CPQ: variants seen among roughly 807,000 people sequenced by gnomAD.
CPQ encodes the protein carboxypeptidase Q.
CPQ carries 37 observed loss-of-function variants against 45.7 expected under a neutral mutation model. That is an observed-to-expected ratio of 0.81 (90% CI 0.62 to 1.07). The LOEUF (loss-of-function observed/expected upper bound fraction) is 1.07, where lower values mean the gene tolerates loss of function less well. Ranked by LOEUF, CPQ falls within the 50% of genes least tolerant of loss-of-function variation. The pLI, the probability that CPQ is intolerant of heterozygous loss-of-function variation, is 0.00. For synonymous variants in CPQ, 186 were observed against 205.8 expected (o/e 0.90, Z 0.82); for missense variants, 537 against 572.9 (o/e 0.94, Z 0.64).
chr8:96,821,154 T>C (rs1811302319), intron 2 of CPQ, among the ~76,000 whole-genome samples: 1 of 144,186 alleles, frequency 6.9e-6, no homozygotes, highest in African/African-American at 2.6e-5. Flanking sequence ...TTTTTTTTGC[T>C]ATTGAGTTGT....
At chr8:96,738,400 GT>G in intron 1 of CPQ, among the ~76,000 whole-genome samples, 1 of 150,844 alleles carries the variant, frequency 6.6e-6, no homozygotes, top group Middle Eastern at 3.5e-3. Flanking sequence ...GCATATATAT[GT>G]AAATTGTTTT....
At chr8:96,907,825 C>T (rs1812598235) in intron 4 of CPQ, among the ~76,000 whole-genome samples, 1 of 152,052 alleles carries the variant, frequency 6.6e-6, no homozygotes, top group East Asian at 1.9e-4. Context: ...GAGTCCTATC[C>T]TACTGTTAAT....
At chr8:96,855,537 A>G (rs137934596) in intron 3 of CPQ, among the ~76,000 whole-genome samples, 39 of 152,332 alleles carry the variant, frequency 2.6e-4, no homozygotes, top group African/African-American at 8.2e-4. Flanking sequence ...TCTTAATTCA[A>G]ATATCACTTC....
Position 97,141,495 on chromosome 8 carries a change from C to T in CPQ, c.1256-1525C>T, listed in dbSNP as rs534188768. On this transcript the variant is annotated intron_variant, in intron 7 of 7. Coordinates refer to ENST00000220763, the MANE Select transcript of CPQ (RefSeq NM_016134.4). Reference sequence around the variant, plus strand: ...AAATGAAATGTTAGCATTTCACACTCACCAAATTTACAAAAATTAGTTTGA... The same window carrying T: ...AAATGAAATGTTAGCATTTCACACTTACCAAATTTACAAAAATTAGTTTGA... 4.6e-5 allele frequency among the ~76,000 whole-genome samples: 7 copies of T among 152,258 alleles called. No homozygotes were observed. In the South Asian group the frequency reaches 1.5e-3, roughly 32 times the overall value.
At chr8:97,043,513 A>G (rs575060949) in intron 6 of CPQ, among the ~76,000 whole-genome samples, 1 of 152,270 alleles carries the variant, frequency 6.6e-6, no homozygotes, top group African/African-American at 2.4e-5. Context: ...TTATGTGTCA[A>G]TTTGATCCTG....
chr8:96,926,211 C>A (rs559116853), intron 4 of CPQ, among the ~76,000 whole-genome samples: 21 of 152,318 alleles, frequency 1.4e-4, no homozygotes, highest in African/African-American at 4.8e-4. Context: ...CTCTGACAGC[C>A]TTCTGGTTGT....
At position 97,043,554 on chromosome 8, in the gene CPQ, G is replaced by A. The variant is rs180678769; in HGVS notation, c.1053+14060G>A. 6.4e-3 allele frequency among the ~76,000 whole-genome samples: 969 copies of A among 152,204 alleles called. 4 individuals are homozygous for A. Among genetic ancestry groups the A allele is most frequent in the African/African-American group, 0.021 (889 of 41,526 alleles). Reference sequence around the variant, plus strand: ...ATGATGTTAGCTGGTTATTTTGATCGTTAGTTGATGCAGTTTCTTCCTAGC... The same window carrying A: ...ATGATGTTAGCTGGTTATTTTGATCATTAGTTGATGCAGTTTCTTCCTAGC... On this transcript the variant is annotated intron_variant, in intron 6 of 7. Coordinates refer to ENST00000220763, the MANE Select transcript of CPQ (RefSeq NM_016134.4).
chr8:97,022,178 C>T (rs1313324318), intron 5 of CPQ, among the ~76,000 whole-genome samples: 1 of 152,102 alleles, frequency 6.6e-6, no homozygotes, highest in Non-Finnish European at 1.5e-5. Flanking sequence ...ATTGGCAAGC[C>T]ACATGTAGGA....
chr8:96,834,198 C>T (rs1202555812), intron 2 of CPQ, among the ~76,000 whole-genome samples: 1 of 152,128 alleles, frequency 6.6e-6, no homozygotes, highest in East Asian at 1.9e-4. Flanking sequence ...AACCCTGTTC[C>T]CTAATCAGGA....
chr8:96,773,276 G>T (rs1810569121), intron 1 of CPQ, among the ~76,000 whole-genome samples: 1 of 152,152 alleles, frequency 6.6e-6, no homozygotes, highest in Non-Finnish European at 1.5e-5. Context: ...TAAACAATTA[G>T]TTGTAGAGAA....
At chr8:96,666,855 A>T (rs981020185) in intron 1 of CPQ, among the ~76,000 whole-genome samples, 4 of 152,162 alleles carry the variant, frequency 2.6e-5, no homozygotes, top group Middle Eastern at 3.2e-3. Context: ...TTTAGGCATC[A>T]TTTAGGTTTT....
At chr8:96,688,345 G>A (rs556235691) in intron 1 of CPQ, among the ~76,000 whole-genome samples, 19 of 151,866 alleles carry the variant, frequency 1.3e-4, no homozygotes, top group African/African-American at 2.7e-4. Flanking sequence ...TTGATTTGTC[G>A]TATTCTTGTG....
intron 7 of CPQ, among the ~76,000 whole-genome samples, chr8:97,128,299 A>T (rs1208405736): frequency 6.6e-6 from 1 of 152,122 alleles, no homozygotes; most frequent in African/African-American, 2.4e-5. Context: ...TTTGGATCTC[A>T]TGTTTTGCTC....
At chr8:97,069,533 A>AGAT (rs1457645521) in intron 7 of CPQ, among the ~76,000 whole-genome samples, 1 of 151,920 alleles carries the variant, frequency 6.6e-6, no homozygotes, top group African/African-American at 2.4e-5. Flanking sequence ...TTTTTCTAAA[A>AGAT]GATGAAAATG....
chr8:97,049,890 C>T (rs1181816053), intron 6 of CPQ, among the ~76,000 whole-genome samples: 1 of 152,202 alleles, frequency 6.6e-6, no homozygotes, highest in African/African-American at 2.4e-5. Context: ...CTTGTTTTGA[C>T]AAGGTGCTAA....
intron 1 of CPQ, among the ~76,000 whole-genome samples, chr8:96,783,855 T>C (rs532610490): frequency 6.6e-6 from 1 of 152,314 alleles, no homozygotes; most frequent in South Asian, 2.1e-4. Context: ...GATTACTATA[T>C]TGGACAGCAT....
intron 4 of CPQ, among the ~76,000 whole-genome samples, chr8:96,881,022 A>T (rs1335358555): frequency 6.6e-6 from 1 of 152,164 alleles, no homozygotes; most frequent in Non-Finnish European, 1.5e-5. Context: ...AACAATTGAG[A>T]GTGGTATTTG....
intron 1 of CPQ, among the ~76,000 whole-genome samples, chr8:96,652,879 C>T (rs1815593290): frequency 1.3e-5 from 2 of 152,214 alleles, no homozygotes; most frequent in South Asian, 4.1e-4. Context: ...CGTGATCCGC[C>T]CGCCTCAGCC....
At chr8:96,914,063 T>C (rs1199645151) in intron 4 of CPQ, among the ~76,000 whole-genome samples, 2 of 152,172 alleles carry the variant, frequency 1.3e-5, no homozygotes, top group African/African-American at 2.4e-5. Context: ...TTTTTTTCAG[T>C]AGACAAAATT....
Sources: gnomAD v4.1 joint callset for allele counts (sites outside exome capture counted in the v4.1 genomes callset) on GRCh38, gnomAD v4.1.1 for gene constraint, MANE v1.5 for transcripts, NCBI Gene and HGNC (gene_info 2026-07-23, HGNC 2026-07-21) for gene names.